The following FBLN1 variants were observed in gnomAD, a reference collection of about 807,000 sequenced individuals.
The protein encoded by FBLN1 is fibulin-1.
Under a neutral mutation model 89.7 loss-of-function variants are expected in FBLN1, and 34 were observed. The observed-to-expected ratio is 0.38, with a 90% confidence interval of 0.29 to 0.50. The LOEUF is 0.50. Ranked by LOEUF, FBLN1 falls within the 20% of genes least tolerant of loss-of-function variation. The probability of loss-of-function intolerance (pLI) is 0.92; values close to 1 mark genes in which losing one functional copy is unlikely to be tolerated. For synonymous variants in FBLN1, 393 were observed against 391.3 expected (o/e 1.00, Z -0.05); for missense variants, 777 against 988.1 (o/e 0.79, Z 2.86).
chr22:45,527,835 C>A lies in FBLN1; in HGVS notation c.322-12C>A. 1 of 1,613,634 alleles carries A rather than the reference C, an allele frequency of 6.2e-7. No homozygotes were observed. The highest frequency in any genetic ancestry group is 1.1e-5 in the South Asian group (1 of 91,050). ...CCGCTCCTCCATCTGGGATCTCCAC[C>A]TGTGTTTGCAGAGGTGCTGCCATTG... On this transcript the variant is annotated splice_polypyrimidine_tract_variant and intron_variant, in intron 3 of 16. Transcript: ENST00000327858.
chr22:45,546,132 T>C (rs539217471), intron 11 of FBLN1, among the ~76,000 whole-genome samples: 1 of 151,952 alleles, frequency 6.6e-6, no homozygotes, highest in South Asian at 2.1e-4. Flanking sequence ...TGAGCTGAGA[T>C]TGAGCTACTT....
chr22:45,528,909 C>T (rs566005977), intron 4 of FBLN1, among the ~76,000 whole-genome samples: 49 of 152,282 alleles, frequency 3.2e-4, no homozygotes, highest in Admixed American at 9.2e-4. Flanking sequence ...TGCTCCCATC[C>T]GGGTCCTAAT....
rs570652823 is a variant in FBLN1, at chr22:45,588,289, T to C, written c.1972+11181T>C. On this transcript the variant is annotated intron_variant, in intron 16 of 16. Transcript: ENST00000327858. The surrounding 1 kb of genome is among the most constrained non-coding windows in gnomAD (Gnocchi z 5.1). ...GAATGGCAGAGTGCTGGAGTGGCCA[T>C]GCCTGGGGAACTCCTTCTGGAAAGT... 2.0e-4 allele frequency among the ~76,000 whole-genome samples: 30 copies of C among 152,260 alleles called. 1 individual carries two copies. Among genetic ancestry groups the C allele is most frequent in the Non-Finnish European group, 3.7e-4 (25 of 68,012 alleles).
chr22:45,513,441 G>A (rs1187551501), intron 1 of FBLN1, among the ~76,000 whole-genome samples: 1 of 151,736 alleles, frequency 6.6e-6, no homozygotes, highest in Admixed American at 6.6e-5. Context: ...TGAGTAGCTG[G>A]GATTGCAAGC....
At chr22:45,565,074 T>G (rs1292464444) in intron 14 of FBLN1, 1 of 1,595,444 alleles carries the variant, frequency 6.3e-7, no homozygotes, top group East Asian at 2.3e-5. Flanking sequence ...GCATGAGCCC[T>G]TTTCCCCACG....
intron 16 of FBLN1, among the ~76,000 whole-genome samples, chr22:45,584,962 C>T (rs965918301): frequency 3.3e-5 from 5 of 152,240 alleles, no homozygotes; most frequent in Non-Finnish European, 7.3e-5. Flanking sequence ...ATGCCAGGCC[C>T]TGCACTGGGT....
chr22:45,564,975 A>G, intron 14 of FBLN1: 2 of 1,613,960 alleles, frequency 1.2e-6, no homozygotes, highest in Non-Finnish European at 1.7e-6. Context: ...GTTGGAGGAT[A>G]CCCACCTTGA....
chr22:45,511,918 T>G (rs906171879), intron 1 of FBLN1, among the ~76,000 whole-genome samples: 3 of 152,186 alleles, frequency 2.0e-5, no homozygotes. Flanking sequence ...TTATATCTAA[T>G]ATTATGCTTT....
chr22:45,520,404 C>T (rs1339836849), intron 2 of FBLN1, among the ~76,000 whole-genome samples: 1 of 152,198 alleles, frequency 6.6e-6, no homozygotes, highest in Non-Finnish European at 1.5e-5. Flanking sequence ...CTCCCTGTGT[C>T]CTCACACGGC....
chr22:45,573,048 G>A (rs1255302030), intron 14 of FBLN1, among the ~76,000 whole-genome samples: 1 of 151,710 alleles, frequency 6.6e-6, no homozygotes, highest in African/African-American at 2.4e-5. Context: ...CCAACATGGT[G>A]AAGCCCCATC....
rs2088870858 is a variant in FBLN1 at position 45,563,222 on chromosome 22, T to G, written c.1698-11289T>G. The G allele has an allele frequency of 6.2e-7, 1 of 1,613,756 alleles. No individual in the cohort carries two copies. The highest frequency in any genetic ancestry group is 1.1e-5 in the South Asian group (1 of 91,088). On this transcript the variant is annotated intron_variant, in intron 14 of 16. Coordinates refer to ENST00000327858, the MANE Select transcript of FBLN1 (RefSeq NM_006486.3). The surrounding 1 kb of genome is among the most constrained non-coding windows in gnomAD (Gnocchi z 5.7). ...TCTCTCTCGCCACGGCACCGTCAGCTCCTTTGTGGCCAAGCTTTTCATCTT... is the reference window on the plus strand; with the variant it reads ...TCTCTCTCGCCACGGCACCGTCAGCGCCTTTGTGGCCAAGCTTTTCATCTT...
In FBLN1 at chr22:45,577,956, A is replaced by G. The variant is rs551443465; in HGVS notation, c.1972+848A>G. 2 of 152,690 alleles carry G rather than the reference A, an allele frequency of 1.3e-5. No individual in the cohort carries two copies. Among genetic ancestry groups the G allele is most frequent in the South Asian group, 4.1e-4 (2 of 4,836 alleles). The allele number at this position is 152,690 out of a possible 1,614,324, so 9.5% of individuals were successfully genotyped here. ...AAAAGATTTACAGTCATGGGAAATG[A>G]AAACGGTGGCATCTGCCATTTTGGA... On this transcript the variant is annotated intron_variant, in intron 16 of 16. Coordinates refer to ENST00000327858, the MANE Select transcript of FBLN1 (RefSeq NM_006486.3). This position sits in a 1 kb window ranked among gnomAD's most constrained non-coding sequence, Gnocchi z 6.6.
At position 45,550,417 on chromosome 22, in the gene FBLN1, G is replaced by C. The variant is rs200785886; in HGVS notation, c.1574-75G>C. 3.1e-6 allele frequency: 5 copies of C among 1,608,124 alleles called. No homozygotes were observed. The highest frequency in any genetic ancestry group is 4.2e-6 in the Non-Finnish European group (5 of 1,176,744). ...CCTAACCCTAGTTGATGGGAGGCCT[G>C]GGCTCCTCCGTCTCCAGATGGGTAT... On this transcript the variant is annotated intron_variant, in intron 13 of 16. Coordinates refer to ENST00000327858, the MANE Select transcript of FBLN1 (RefSeq NM_006486.3). This position sits in a 1 kb window ranked among gnomAD's most constrained non-coding sequence, Gnocchi z 8.4.
chr22:45,538,353 C>T (rs1311924959), intron 8 of FBLN1, among the ~76,000 whole-genome samples: 1 of 152,238 alleles, frequency 6.6e-6, no homozygotes, highest in African/African-American at 2.4e-5. Context: ...AATCAGCAAA[C>T]AAAACCTAAG....
chr22:45,549,980 T>C lies in FBLN1; in HGVS notation c.1574-512T>C, dbSNP rs1318228094. The stretch of plus-strand genomic sequence containing the variant: ...GCTCCTGCCCTTTTCTCCTAAGAGG[T>C]TGAGTCACACCTAGGGTAAGGGTGC... On this transcript the variant is annotated intron_variant, in intron 13 of 16. Coordinates refer to ENST00000327858, the MANE Select transcript of FBLN1 (RefSeq NM_006486.3). This position sits in a 1 kb window ranked among gnomAD's most constrained non-coding sequence, Gnocchi z 5.7. Among the ~76,000 whole-genome samples the C allele has an allele frequency of 1.3e-5, 2 of 152,252 alleles. No homozygotes were observed. Among genetic ancestry groups the C allele is most frequent in the East Asian group, 3.9e-4 (2 of 5,174 alleles).
rs115666261 is a variant in FBLN1 at position 45,576,065 on chromosome 22, T to C, written c.1841-912T>C. 0.023 allele frequency among the ~76,000 whole-genome samples: 3,569 copies of C among 152,220 alleles called. 147 individuals are homozygous for C. Among genetic ancestry groups the C allele is most frequent in the African/African-American group, 0.08 (3,333 of 41,510 alleles). On this transcript the variant is annotated intron_variant, in intron 15 of 16. Coordinates refer to ENST00000327858, the MANE Select transcript of FBLN1 (RefSeq NM_006486.3). This position sits in a 1 kb window ranked among gnomAD's most constrained non-coding sequence, Gnocchi z 5.2. ...GGGGGTGGGGGGAGGAGAGGCTCCC[T>C]CAGCACGTGGTTGCCCAAGGAGCCG... is the stretch of plus-strand genomic sequence containing the variant.
Position 45,542,098 on chromosome 22 carries a change from G to A in FBLN1, c.1067-57G>A, listed in dbSNP as rs1655278727. The A allele has an allele frequency of 3.7e-6, 6 of 1,611,996 alleles. No individual in the cohort carries two copies. The Admixed American group carries it at 6.7e-5, about 18-fold the overall frequency. ...TCTTGCTTTCCTTTCTGATCATCTT[G>A]GGGGGAAAAAACCCAAACTAAAGGT... On this transcript the variant is annotated intron_variant, in intron 9 of 16. Transcript: ENST00000327858.
rs756418712 is a variant in FBLN1, at chr22:45,502,967, C to A, written c.-19C>A. The stretch of plus-strand genomic sequence containing the variant: ...CGCGCCTTTGTCCGCCGCCGCCCAC[C>A]GCCCGTCGCCCGCCGCCCATGGAGC... On this transcript the variant is annotated 5_prime_UTR_variant, in exon 1 of 17. Transcript: ENST00000327858. 1,797 of 1,128,992 alleles carry A rather than the reference C, an allele frequency of 1.6e-3. 6 individuals are homozygous for A. Among genetic ancestry groups the A allele is most frequent in the Non-Finnish European group, 1.8e-3 (1,667 of 917,792 alleles). 69.9% of individuals were successfully genotyped at this position (1,128,992 alleles called of 1,614,324 possible).
Position 45,531,140 on chromosome 22 carries a change from T to C in FBLN1, c.485-125T>C. 3.8e-6 allele frequency: 3 copies of C among 795,508 alleles called. No individual in the cohort carries two copies. Among genetic ancestry groups the C allele is most frequent in the Admixed American group, 3.7e-5 (2 of 53,846 alleles). 49.3% of individuals were successfully genotyped at this position (795,508 alleles called of 1,614,324 possible). A position where few individuals can be genotyped will look rare whatever the true frequency, so the allele number is the denominator to read the frequency against. On this transcript the variant is annotated intron_variant, in intron 4 of 16. Transcript: ENST00000327858. The surrounding 1 kb of genome is among the most constrained non-coding windows in gnomAD (Gnocchi z 4.9). ...AGAGGATAAAGTTAATACTTAGCTG[T>C]TTATATAAGATGTTCAAATGGGCAT...
Sources: allele counts gnomAD v4.1 joint callset (sites outside exome capture counted in the v4.1 genomes callset), GRCh38; gene constraint gnomAD v4.1.1; non-coding constraint Gnocchi (gnomAD v3.1); transcripts MANE v1.5; gene names NCBI Gene and HGNC (gene_info 2026-07-23, HGNC 2026-07-21).